ZNF804B: variants seen among roughly 807,000 people sequenced by gnomAD.
ZNF804B encodes zinc finger protein 804B, also known as zinc finger 804B.
ZNF804B carries 80 observed loss-of-function variants against 101.4 expected under a neutral mutation model. The ratio of observed to expected loss-of-function variants is 0.79; its 90% confidence interval spans 0.66 to 0.95. The LOEUF is 0.95. Among genes scored for constraint, ZNF804B ranks in the 40% least tolerant of loss-of-function variants. The pLI, the probability that ZNF804B is intolerant of heterozygous loss-of-function variation, is 0.00. For synonymous variants in ZNF804B, 622 were observed against 558.8 expected (o/e 1.11, Z -1.59); for missense variants, 1,673 against 1,561.9 (o/e 1.07, Z -1.20).
chr7:89,265,293 T>TGCGCGCGC, intron 2 of ZNF804B, among the ~76,000 whole-genome samples: 1 of 120,606 alleles, frequency 8.3e-6, no homozygotes, highest in East Asian at 4.6e-4. Flanking sequence ...TGTGTGTGTG[T>TGCGCGCGC]GCGCGTGCGC....
chr7:89,302,484 G>A (rs1167264043), intron 2 of ZNF804B, among the ~76,000 whole-genome samples: 1 of 151,816 alleles, frequency 6.6e-6, no homozygotes, highest in Admixed American at 6.6e-5. Context: ...CAGATCTAAT[G>A]CATTATAAAA....
intron 1 of ZNF804B, among the ~76,000 whole-genome samples, chr7:89,121,194 A>G (rs1198108561): frequency 6.6e-6 from 1 of 152,164 alleles, no homozygotes; most frequent in Non-Finnish European, 1.5e-5. Flanking sequence ...GTCTGGCTAG[A>G]TCAACTATTT....
intron 1 of ZNF804B, among the ~76,000 whole-genome samples, chr7:89,046,872 G>A (rs1467798596): frequency 6.6e-6 from 1 of 151,794 alleles, no homozygotes; most frequent in South Asian, 2.1e-4. Context: ...TATCACTGGT[G>A]CAGTCCAGTT....
intron 1 of ZNF804B, among the ~76,000 whole-genome samples, chr7:89,208,963 G>A (rs1006408806): frequency 9.9e-5 from 15 of 152,162 alleles, no homozygotes; most frequent in Middle Eastern, 3.4e-3. Flanking sequence ...AGTGAGCTGA[G>A]ATCGCGCCAC....
intron 2 of ZNF804B, among the ~76,000 whole-genome samples, chr7:89,269,480 T>G (rs1335007514): frequency 1.3e-5 from 2 of 152,222 alleles, no homozygotes; most frequent in East Asian, 3.8e-4. Context: ...ACATTTGGGT[T>G]AGTTCCAAGT....
chr7:88,780,031 C>T (rs891411321), intron 1 of ZNF804B, among the ~76,000 whole-genome samples: 1 of 152,088 alleles, frequency 6.6e-6, no homozygotes, highest in Non-Finnish European at 1.5e-5. Context: ...TGGGTATATA[C>T]ATAATCAACA....
chr7:89,215,927 A>ATAAG (rs1788888458), intron 1 of ZNF804B, among the ~76,000 whole-genome samples: 1 of 147,476 alleles, frequency 6.8e-6, no homozygotes, highest in Non-Finnish European at 1.5e-5. Context: ...AAATAAATAA[A>ATAAG]TAAGAACTAT....
At chr7:89,258,322 G>T (rs572752636) in intron 2 of ZNF804B, among the ~76,000 whole-genome samples, 1 of 152,166 alleles carries the variant, frequency 6.6e-6, no homozygotes, top group Admixed American at 6.5e-5. Context: ...AGGAGCAACT[G>T]TGTATATTTT....
chr7:89,252,058 G>T (rs528042364), intron 2 of ZNF804B, among the ~76,000 whole-genome samples: 11 of 152,050 alleles, frequency 7.2e-5, no homozygotes, highest in African/African-American at 1.4e-4. Flanking sequence ...TGACAAATGG[G>T]ATCTATTTAA....
intron 1 of ZNF804B, among the ~76,000 whole-genome samples, chr7:88,841,308 T>C (rs1791288856): frequency 6.6e-6 from 1 of 152,090 alleles, no homozygotes; most frequent in Non-Finnish European, 1.5e-5. Context: ...CAATGTGACT[T>C]AGGGTGAGGA....
chr7:89,233,060 T>C (rs1459891717), intron 2 of ZNF804B, among the ~76,000 whole-genome samples: 2 of 151,880 alleles, frequency 1.3e-5, no homozygotes, highest in Non-Finnish European at 2.9e-5. Context: ...TAGCTGGGAC[T>C]ACAGGCGCCC....
intron 1 of ZNF804B, among the ~76,000 whole-genome samples, chr7:88,974,905 G>T (rs969988532): frequency 6.6e-6 from 1 of 151,066 alleles, no homozygotes; most frequent in Non-Finnish European, 1.5e-5. Context: ...CAATATTTCT[G>T]TACCCATTAA....
At chr7:89,127,833 T>C (rs887353306) in intron 1 of ZNF804B, among the ~76,000 whole-genome samples, 3 of 151,652 alleles carry the variant, frequency 2.0e-5, no homozygotes, top group African/African-American at 7.2e-5. Flanking sequence ...TACTTTCTGA[T>C]GATAAATTCA....
At chr7:88,850,279 G>A (rs1172741262) in intron 1 of ZNF804B, among the ~76,000 whole-genome samples, 1 of 152,028 alleles carries the variant, frequency 6.6e-6, no homozygotes, top group Non-Finnish European at 1.5e-5. Flanking sequence ...CCCAGGTAGA[G>A]CCTGGCTCTT....
At position 89,295,248 on chromosome 7, in the gene ZNF804B, G is replaced by A. The variant is rs1163113979; in HGVS notation, c.250-32096G>A. Among the ~76,000 whole-genome samples the A allele has an allele frequency of 4.6e-5, 7 of 152,150 alleles. No individual in the cohort carries two copies. In the South Asian group the frequency reaches 6.2e-4, roughly 14 times the overall value. ...TTTTATATTTCTCTGGTCTCAGTGC[G>A]TGCACCCTATATTTGTTGTAGGAGA... On this transcript the variant is annotated intron_variant, in intron 2 of 3. Coordinates refer to ENST00000333190, the MANE Select transcript of ZNF804B (RefSeq NM_181646.5).
intron 1 of ZNF804B, among the ~76,000 whole-genome samples, chr7:89,059,922 A>C (rs958805090): frequency 2.6e-5 from 4 of 152,054 alleles, no homozygotes; most frequent in African/African-American, 9.7e-5. Flanking sequence ...GAGAGAATGA[A>C]TACAGAAGGT....
chr7:89,250,702 A>G (rs1165980569), intron 2 of ZNF804B, among the ~76,000 whole-genome samples: 2 of 152,224 alleles, frequency 1.3e-5, no homozygotes, highest in Non-Finnish European at 2.9e-5. Context: ...ACAAAATACT[A>G]GCACAGTGAA....
rs562826067 is a variant in ZNF804B at position 89,210,063 on chromosome 7, C to A, written c.109-8092C>A. On this transcript the variant is annotated intron_variant, in intron 1 of 3. Transcript: ENST00000333190. ...ACTCAGGAGGCTGAGGCAGGAGAATCGCTTGAACCGGGAAGCAGAGGTTTT... is the reference window on the plus strand; with the variant it reads ...ACTCAGGAGGCTGAGGCAGGAGAATAGCTTGAACCGGGAAGCAGAGGTTTT... 9.2e-5 allele frequency among the ~76,000 whole-genome samples: 14 copies of A among 151,606 alleles called. No individual in the cohort carries two copies. In the South Asian group the frequency reaches 1.7e-3, roughly 18 times the overall value.
intron 1 of ZNF804B, among the ~76,000 whole-genome samples, chr7:89,099,509 A>G (rs1304302297): frequency 6.6e-6 from 1 of 152,188 alleles, no homozygotes; most frequent in Non-Finnish European, 1.5e-5. Flanking sequence ...TGAAAGGAAT[A>G]TGATGTTCTA....
Sources: gnomAD v4.1 joint callset for allele counts (sites outside exome capture counted in the v4.1 genomes callset) on GRCh38, gnomAD v4.1.1 for gene constraint, MANE v1.5 for transcripts, NCBI Gene and HGNC (gene_info 2026-07-23, HGNC 2026-07-21) for gene names.